CRYL1: variants seen among roughly 807,000 people sequenced by gnomAD.
CRYL1 encodes the protein lambda-crystallin homolog.
In CRYL1, 29 loss-of-function variants were observed where a neutral mutation model predicts 36.6. The ratio of observed to expected loss-of-function variants is 0.79; its 90% CI spans 0.59 to 1.08. CRYL1 has a LOEUF of 1.08. Among genes scored for constraint, CRYL1 ranks in the 50% least tolerant of loss-of-function variants. The pLI is 0.00. For synonymous variants in CRYL1, 152 were observed against 151.5 expected (o/e 1.00, Z -0.02); for missense variants, 411 against 407.9 (o/e 1.01, Z -0.06).
intron 3 of CRYL1, among the ~76,000 whole-genome samples, chr13:20,474,335 T>A (rs1422025468): frequency 6.6e-6 from 1 of 152,180 alleles, no homozygotes. Flanking sequence ...ACCTGCCCTG[T>A]CCCGTCCCCA....
intron 3 of CRYL1, among the ~76,000 whole-genome samples, chr13:20,447,360 G>A (rs1012737123): frequency 1.3e-5 from 2 of 152,134 alleles, no homozygotes; most frequent in Non-Finnish European, 2.9e-5. Flanking sequence ...TGGGGAAAGA[G>A]AACAGAAATA....
At chr13:20,507,299 A>G (rs1289742268) in intron 2 of CRYL1, among the ~76,000 whole-genome samples, 2 of 152,246 alleles carry the variant, frequency 1.3e-5, no homozygotes, top group East Asian at 1.9e-4. Context: ...ATGTTAATCC[A>G]TAAAGTTTTA....
intron 3 of CRYL1, among the ~76,000 whole-genome samples, chr13:20,485,012 TTTG>T (rs920124290): frequency 1.3e-4 from 20 of 151,818 alleles, no homozygotes; most frequent in Non-Finnish European, 2.8e-4. Flanking sequence ...TGCACTAGGT[TTTG>T]TTGTTGTTGT....
At chr13:20,514,578 T>G (rs9509261) in intron 1 of CRYL1, among the ~76,000 whole-genome samples, 1 of 151,970 alleles carries the variant, frequency 6.6e-6, no homozygotes, top group Non-Finnish European at 1.5e-5. Flanking sequence ...CAATAAGACA[T>G]TAGGTAAAAA....
At chr13:20,440,829 A>G (rs2032333825) in intron 3 of CRYL1, among the ~76,000 whole-genome samples, 2 of 152,206 alleles carry the variant, frequency 1.3e-5, no homozygotes, top group South Asian at 4.1e-4. Flanking sequence ...TGGGATAAAG[A>G]TGCAAATTTG....
At chr13:20,456,506 A>G (rs981805250) in intron 3 of CRYL1, among the ~76,000 whole-genome samples, 3 of 151,174 alleles carry the variant, frequency 2.0e-5, no homozygotes, top group African/African-American at 7.3e-5. Context: ...AGAAAAGAAA[A>G]GAAGAGAGGC....
At chr13:20,432,060 G>C (rs754916812) in intron 5 of CRYL1, 42 bp downstream of exon 5, 3 of 1,613,620 alleles carry the variant, frequency 1.9e-6, no homozygotes, top group East Asian at 2.2e-5. Flanking sequence ...AAGAAGGAGG[G>C]AGAAAGGAAG....
intron 2 of CRYL1, among the ~76,000 whole-genome samples, chr13:20,508,506 A>T (rs540637280): frequency 4.9e-4 from 74 of 152,220 alleles, no homozygotes; most frequent in African/African-American, 1.8e-3. Flanking sequence ...CACCTCCATA[A>T]AACCAAATAT....
intron 3 of CRYL1, among the ~76,000 whole-genome samples, chr13:20,453,445 C>G (rs9796163): frequency 1.4e-5 from 2 of 140,702 alleles, no homozygotes; most frequent in African/African-American, 6.4e-5. Context: ...TTGAAATATT[C>G]TAATATATTT....
Position 20,482,535 on chromosome 13 carries a change from TAGAAA to T in CRYL1, c.276+6830_276+6834del, listed in dbSNP as rs2033298656. On this transcript the variant is annotated intron_variant, in intron 3 of 7. Coordinates refer to ENST00000298248, the MANE Select transcript of CRYL1 (RefSeq NM_015974.3). The stretch of plus-strand genomic sequence containing the variant: ...TTGATTTCAAAATTGCACTAAGTTC[TAGAAA>T]TTCAGGTTTCTTTCTTGCGTGCTCC... Among the ~76,000 whole-genome samples the T allele has an allele frequency of 3.3e-5, 5 of 152,382 alleles. 1 individual carries two copies. The South Asian group carries it at 1.0e-3, about 32-fold the overall frequency.
intron 1 of CRYL1, chr13:20,515,832 A>AAAAGTTCTG (rs2137514954): frequency 7.5e-6 from 1 of 133,994 alleles, no homozygotes; most frequent in African/African-American, 3.0e-5. Flanking sequence ...TGCAAGATGA[A>AAAAGTTCTG]AAGATTGATT....
In CRYL1 at chr13:20,404,084, A is replaced by G. The variant is rs748504631; in HGVS notation, c.*45T>C. The G allele has an allele frequency of 1.2e-5, 16 of 1,367,626 alleles. No individual in the cohort carries two copies. Among genetic ancestry groups the G allele is most frequent in the Middle Eastern group, 1.8e-4 (1 of 5,468 alleles). The allele number at this position is 1,367,626 out of a possible 1,614,324, so 84.7% of individuals were successfully genotyped here. A position where few individuals can be genotyped will look rare whatever the true frequency, so the allele number is the denominator to read the frequency against. On this transcript the variant is annotated 3_prime_UTR_variant, in exon 8 of 8. Coordinates refer to ENST00000298248, the MANE Select transcript of CRYL1 (RefSeq NM_015974.3). The stretch of plus-strand genomic sequence containing the variant: ...TGATTAAGGGCTTGCAGTGTTCCCA[A>G]ATAGGGCCTCCAATGAGAGGAGTGG...
At chr13:20,522,911 C>CTT (rs386378385) in intron 1 of CRYL1, among the ~76,000 whole-genome samples, 2,343 of 82,806 alleles carry the variant, frequency 0.028, 332 homozygotes, top group African/African-American at 0.094. Flanking sequence ...CCCATTTCTA[C>CTT]TTTTTTTTTT....
intron 3 of CRYL1, among the ~76,000 whole-genome samples, chr13:20,473,499 T>A (rs1421992685): frequency 6.6e-6 from 1 of 152,270 alleles, no homozygotes; most frequent in Admixed American, 6.5e-5. Flanking sequence ...AGCCTTGTGA[T>A]CTCAGCGGAC....
At chr13:20,474,733 C>T (rs1350200358) in intron 3 of CRYL1, among the ~76,000 whole-genome samples, 1 of 152,152 alleles carries the variant, frequency 6.6e-6, no homozygotes, top group Non-Finnish European at 1.5e-5. Context: ...ACACACACAA[C>T]CTTCCTCTCC....
chr13:20,494,010 T>C (rs1406109311), intron 2 of CRYL1, among the ~76,000 whole-genome samples: 1 of 152,228 alleles, frequency 6.6e-6, no homozygotes, highest in Admixed American at 6.5e-5. Context: ...CCCTGTCCTT[T>C]ATAGCCTGAA....
At chr13:20,462,017 G>A (rs1194260343) in intron 3 of CRYL1, among the ~76,000 whole-genome samples, 1 of 145,590 alleles carries the variant, frequency 6.9e-6, no homozygotes, top group Non-Finnish European at 1.5e-5. Flanking sequence ...GGGAGGAGGG[G>A]TCAGGAGGAC....
chr13:20,439,189 C>T (rs1000923670), intron 4 of CRYL1, among the ~76,000 whole-genome samples: 1 of 152,122 alleles, frequency 6.6e-6, no homozygotes, highest in South Asian at 2.1e-4. Context: ...CAATCCTACC[C>T]AATGTATACA....
At chr13:20,502,798 G>A (rs2033725746) in intron 2 of CRYL1, among the ~76,000 whole-genome samples, 1 of 152,192 alleles carries the variant, frequency 6.6e-6, no homozygotes, top group Admixed American at 6.5e-5. Flanking sequence ...GGAGTATCAA[G>A]GCCCGGTTAA....
Sources: allele counts gnomAD v4.1 joint callset (sites outside exome capture counted in the v4.1 genomes callset), GRCh38; gene constraint gnomAD v4.1.1; transcripts MANE v1.5; gene names NCBI Gene and HGNC (gene_info 2026-07-23, HGNC 2026-07-21).